The following SYNJ2 variants were observed in gnomAD, a reference collection of about 807,000 sequenced individuals.
The protein encoded by SYNJ2 is polyphosphatidylinositol phosphatase SYNJ2.
In SYNJ2, 116 loss-of-function variants were observed where a neutral mutation model predicts 141.3. The ratio of observed to expected loss-of-function variants is 0.82; its 90% CI spans 0.71 to 0.96. The LOEUF is 0.96. Among genes scored for constraint, SYNJ2 ranks in the 40% least tolerant of loss-of-function variants. The probability of loss-of-function intolerance (pLI) is 0.00; values close to 1 mark genes in which losing one functional copy is unlikely to be tolerated. For missense variants in SYNJ2, 1,873 were observed against 1,934.8 expected (o/e 0.97, Z 0.60); for synonymous variants, 745 against 777.7 (o/e 0.96, Z 0.70).
intron 20 of SYNJ2, 90 bp from the exon 21 acceptor site, chr6:158,083,339 G>T (rs1782821775): frequency 2.0e-6 from 3 of 1,471,124 alleles, no homozygotes; most frequent in Non-Finnish European, 2.8e-6. Context: ...CCTCGTTGAG[G>T]GTGTGTGGGT....
chr6:158,015,527 G>A (rs1213721960), intron 1 of SYNJ2, among the ~76,000 whole-genome samples: 6 of 152,158 alleles, frequency 3.9e-5, no homozygotes, highest in Non-Finnish European at 7.4e-5. Flanking sequence ...CCTCTAATTA[G>A]GAAGGCAGGC....
At position 157,993,797 on chromosome 6, in the gene SYNJ2, G is replaced by GTTTTTTT. The variant is rs61529071; in HGVS notation, c.127+11738_127+11744dup. ...AGTTTGTGTGTCTGGAAATGTGTGGGTTTTTTTTTTTTTTTTTTTTTTTTT... is the reference window on the plus strand; with the variant it reads ...AGTTTGTGTGTCTGGAAATGTGTGGGTTTTTTTTTTTTTTTTTTTTTTTTTTTTTTTT... On this transcript the variant is annotated intron_variant, in intron 1 of 26. Transcript: ENST00000355585. 3.5e-4 allele frequency among the ~76,000 whole-genome samples: 17 copies of GTTTTTTT among 47,966 alleles called. 1 individual carries two copies. Among genetic ancestry groups the GTTTTTTT allele is most frequent in the Non-Finnish European group, 5.2e-4 (14 of 26,838 alleles). The allele number at this position is 47,966 out of a possible 152,430, so 31.5% of individuals were successfully genotyped here.
rs535363227 is a variant in SYNJ2, at chr6:158,091,502, G to A, written c.3566-1424G>A. On this transcript the variant is annotated intron_variant, in intron 25 of 26. Coordinates refer to ENST00000355585, the MANE Select transcript of SYNJ2 (RefSeq NM_003898.4). ...AGTGGCTCACGCCTGTAATCCCAGC[G>A]CTTTGGGAGGCCGAGGCAGGCGGAT... Among the ~76,000 whole-genome samples, 72 of 149,162 alleles carry A rather than the reference G, an allele frequency of 4.8e-4. No homozygotes were observed. In the South Asian group the frequency reaches 9.5e-3, roughly 20 times the overall value.
At chr6:158,092,678 T>C (rs1176164548) in intron 25 of SYNJ2, among the ~76,000 whole-genome samples, 3 of 151,928 alleles carry the variant, frequency 2.0e-5, no homozygotes, top group South Asian at 2.1e-4. Context: ...AATGGGAGAA[T>C]TGCTCGAGCC....
At chr6:158,010,625 G>A (rs904430339) in intron 1 of SYNJ2, among the ~76,000 whole-genome samples, 7 of 152,222 alleles carry the variant, frequency 4.6e-5, no homozygotes, top group African/African-American at 1.7e-4. Flanking sequence ...AAAAGGATAT[G>A]TTGAAGCCTA....
chr6:158,068,728 G>A lies in SYNJ2; in HGVS notation c.1799G>A (p.Ser600Asn). The change falls in exon 13 of 27, where the codon AGT (serine) becomes AAT (asparagine). Residue 600 changes from serine (S) to asparagine (N), a missense_variant and splice_region_variant. Transcript: ENST00000355585. Reference sequence around the variant, plus strand: ...AGCGCAGGGAATATTGTCAATGCCAGGTAAGGGGCCAGGTGTGCGGGGCCA... The same window carrying A: ...AGCGCAGGGAATATTGTCAATGCCAAGTAAGGGGCCAGGTGTGCGGGGCCA... Reference protein sequence around the residue: ...ELSAGNIVNASTTNKKMWGEQ... With the variant: ...ELSAGNIVNANTTNKKMWGEQ... The A allele has an allele frequency of 6.2e-7, 1 of 1,613,922 alleles. No individual in the cohort carries two copies. The highest frequency in any genetic ancestry group is 8.5e-7 in the Non-Finnish European group (1 of 1,180,020).
chr6:158,016,541 TA>T (rs1778464518), intron 1 of SYNJ2, among the ~76,000 whole-genome samples: 1 of 152,190 alleles, frequency 6.6e-6, no homozygotes, highest in South Asian at 2.1e-4. Context: ...AGAAGGGGTC[TA>T]AAGGCCTGCC....
intron 12 of SYNJ2, 146 bp downstream of exon 12, chr6:158,066,781 C>A: frequency 7.4e-6 from 7 of 945,598 alleles, no homozygotes; most frequent in Non-Finnish European, 1.1e-5. Context: ...CATGGCCTGA[C>A]TCTCAAGAAT....
chr6:158,062,299 G>T, intron 8 of SYNJ2, 135 bp downstream of exon 8: 1 of 1,378,538 alleles, frequency 7.3e-7, no homozygotes, highest in Non-Finnish European at 9.6e-7. Context: ...TGTGCCCTAT[G>T]AGGGGCAGCT....
intron 2 of SYNJ2, chr6:158,028,431 G>A (rs1779174128): frequency 2.7e-6 from 1 of 367,720 alleles, no homozygotes; most frequent in Non-Finnish European, 5.1e-6. Flanking sequence ...ACTCCTGGGG[G>A]CATCAGAATC....
intron 5 of SYNJ2, among the ~76,000 whole-genome samples, chr6:158,049,753 C>T (rs538832130): frequency 3.3e-5 from 5 of 150,188 alleles, no homozygotes; most frequent in African/African-American, 4.9e-5. Context: ...GGTGGGGACA[C>T]GGCTCTGCAG....
At chr6:157,994,708 A>C (rs1343593665) in intron 1 of SYNJ2, among the ~76,000 whole-genome samples, 3 of 152,258 alleles carry the variant, frequency 2.0e-5, no homozygotes, top group Non-Finnish European at 4.4e-5. Flanking sequence ...CACGCCCTCC[A>C]GGCAGACCAC....
At chr6:158,050,693 G>C (rs1344097200) in intron 5 of SYNJ2, among the ~76,000 whole-genome samples, 2 of 152,190 alleles carry the variant, frequency 1.3e-5, no homozygotes, top group African/African-American at 4.8e-5. Flanking sequence ...CATTCCCTGA[G>C]TCCTCACTGA....
intron 12 of SYNJ2, chr6:158,068,059 C>T (rs1014545370): frequency 2.3e-6 from 2 of 884,164 alleles, no homozygotes; most frequent in Non-Finnish European, 2.7e-6. Flanking sequence ...ACTAGAGATA[C>T]ACCAGGTTCC....
chr6:158,039,243 G>A (rs534130527), intron 4 of SYNJ2, among the ~76,000 whole-genome samples: 2 of 152,370 alleles, frequency 1.3e-5, no homozygotes, highest in Admixed American at 6.5e-5. Context: ...CACAAAACAC[G>A]TCTTTAAGTG....
intron 4 of SYNJ2, among the ~76,000 whole-genome samples, chr6:158,037,134 G>T (rs1255687835): frequency 6.6e-6 from 1 of 152,144 alleles, no homozygotes; most frequent in Non-Finnish European, 1.5e-5. Flanking sequence ...AAACTGGGTG[G>T]CCGAAAACAA....
At chr6:158,069,135 C>T (rs942760667) in intron 13 of SYNJ2, among the ~76,000 whole-genome samples, 7 of 152,124 alleles carry the variant, frequency 4.6e-5, no homozygotes, top group African/African-American at 1.7e-4. Flanking sequence ...GAGGTACTTT[C>T]TTCCTGCACA....
intron 2 of SYNJ2, among the ~76,000 whole-genome samples, chr6:158,024,387 A>G (rs1644965610): frequency 6.6e-6 from 1 of 152,190 alleles, no homozygotes; most frequent in Admixed American, 6.5e-5. Context: ...GTGAGCCCAG[A>G]TTGCGCCACT....
At chr6:158,005,243 A>G (rs1778021283) in intron 1 of SYNJ2, among the ~76,000 whole-genome samples, 2 of 151,820 alleles carry the variant, frequency 1.3e-5, no homozygotes, top group Admixed American at 6.6e-5. Context: ...ACGCCCGGCT[A>G]ATTTTTTGTA....
Sources: allele counts gnomAD v4.1 joint callset (sites outside exome capture counted in the v4.1 genomes callset), GRCh38; gene constraint gnomAD v4.1.1; transcripts MANE v1.5; gene names NCBI Gene and HGNC (gene_info 2026-07-23, HGNC 2026-07-21).